The following CLCN6 variants were observed in gnomAD, a reference collection of about 807,000 sequenced individuals.
CLCN6 encodes Cl-/H+ antiporter 6, also known as H(+)/Cl(-) exchange transporter 6.
Under a neutral mutation model 109.8 loss-of-function variants are expected in CLCN6, and 70 were observed. The observed-to-expected ratio is 0.64, with a 90% CI of 0.53 to 0.78. CLCN6 has a LOEUF of 0.78. Ranked by LOEUF, CLCN6 falls within the 30% of genes least tolerant of loss-of-function variation. The probability of loss-of-function intolerance (pLI) is 0.00; values close to 1 mark genes in which losing one functional copy is unlikely to be tolerated. For synonymous variants in CLCN6, 444 were observed against 447.8 expected, an observed-to-expected ratio of 0.99 and a Z score of 0.11; for missense variants, 984 against 1,142.3, an observed-to-expected ratio of 0.86 and a Z score of 2.00.
At chr1:11,823,608 A>T in intron 6 of CLCN6, 99 bp from the exon 7 acceptor site, 1 of 1,514,130 alleles carries the variant, frequency 6.6e-7, no homozygotes, top group South Asian at 1.2e-5. Context: ...CTGCTAATGA[A>T]GGTGGCCAGC....
intron 1 of CLCN6, chr1:11,806,655 C>T (rs886288507): frequency 1.7e-5 from 7 of 409,566 alleles, no homozygotes; most frequent in African/African-American, 1.0e-4. Context: ...AATGAGCTTC[C>T]TCACAGGACT....
At chr1:11,825,720 T>TCAAGCGATTCTCCTGGCTC (rs1202493569) in intron 8 of CLCN6, among the ~76,000 whole-genome samples, 1 of 152,336 alleles carries the variant, frequency 6.6e-6, no homozygotes, top group Admixed American at 6.5e-5. Context: ...CCTCCTGGGT[T>TCAAGCGATTCTCCTGGCTC]CAAGCGATTC....
chr1:11,813,634 A>G (rs1446286902), intron 2 of CLCN6, among the ~76,000 whole-genome samples: 2 of 151,980 alleles, frequency 1.3e-5, no homozygotes, highest in African/African-American at 4.8e-5. Context: ...CAAGTGATCC[A>G]CCTATCTCGG....
At chr1:11,839,106 AC>A in intron 22 of CLCN6, 1 of 588,002 alleles carries the variant, frequency 1.7e-6, no homozygotes, top group South Asian at 2.2e-5. Context: ...TTCTTATTAC[AC>A]AAATATTTTC....
Position 11,834,404 on chromosome 1 carries a change from A to C in CLCN6, c.1686+9A>C. The C allele has an allele frequency of 7.4e-6, 12 of 1,612,354 alleles. No individual in the cohort carries two copies. Among genetic ancestry groups the C allele is most frequent in the Non-Finnish European group, 1.0e-5 (12 of 1,179,418 alleles). On this transcript the variant is annotated intron_variant, in intron 16 of 22. Transcript: ENST00000346436. The surrounding 1 kb of genome is among the most constrained non-coding windows in gnomAD (Gnocchi z 4.5). ...TCATGGTCACACTGATGGTGAGCAC[A>C]CTCCCTCCAGGCCCCTGTCAGGCTC... is the stretch of plus-strand genomic sequence containing the variant.
At chr1:11,813,599 C>T (rs1644631301) in intron 2 of CLCN6, among the ~76,000 whole-genome samples, 1 of 152,084 alleles carries the variant, frequency 6.6e-6, no homozygotes, top group Non-Finnish European at 1.5e-5. Context: ...CCATGTTGGC[C>T]GGGCTGGTCT....
rs762344951 is a variant in CLCN6, at chr1:11,837,036, A to G, written c.2018A>G (p.Lys673Arg). The G allele has an allele frequency of 3.7e-6, 6 of 1,612,488 alleles. No individual in the cohort carries two copies. The highest frequency in any genetic ancestry group is 5.1e-6 in the Non-Finnish European group (6 of 1,180,034). The change falls in exon 19 of 23, where the codon AAA (lysine) becomes AGA (arginine). Residue 673 changes from lysine to arginine, a missense_variant. By Grantham distance (26) the Lys-to-Arg change is conservative (BLOSUM62 2). Coordinates refer to ENST00000346436, the MANE Select transcript of CLCN6 (RefSeq NM_001286.5). Reference sequence around the variant, plus strand: ...CTCACCCGGGCTGGCGAGCAGCGCAAACGGAGCCAGTCCATGAAGTCCTAC... The same window carrying G: ...CTCACCCGGGCTGGCGAGCAGCGCAGACGGAGCCAGTCCATGAAGTCCTAC... ...SILTRAGEQR[K>R]RSQSMKSYPS...
intron 18 of CLCN6, 128 bp from the exon 19 acceptor site, chr1:11,836,871 T>C: frequency 9.5e-7 from 1 of 1,057,900 alleles, no homozygotes; most frequent in Non-Finnish European, 1.4e-6. Flanking sequence ...CTTTTGAACC[T>C]CAGCCCCATT....
intron 5 of CLCN6, among the ~76,000 whole-genome samples, chr1:11,821,142 T>C (rs919509844): frequency 6.6e-6 from 1 of 150,790 alleles, no homozygotes; most frequent in Non-Finnish European, 1.5e-5. Context: ...GTACATATTG[T>C]ATTTATAAAG....
At chr1:11,816,743 C>CCCT in intron 4 of CLCN6, 63 bp downstream of exon 4, 1 of 1,238,034 alleles carries the variant, frequency 8.1e-7, no homozygotes, top group Non-Finnish European at 1.1e-6. Context: ...CAGGGAAAGC[C>CCCT]CTGGCCTGGT....
chr1:11,838,587 A>ACT lies in CLCN6; in HGVS notation c.2457_2458insTC (p.Val820SerfsTer20), dbSNP rs1298904947. 1 of 1,613,250 alleles carries ACT rather than the reference A, an allele frequency of 6.2e-7. No homozygotes were observed. The highest frequency in any genetic ancestry group is 8.5e-7 in the Non-Finnish European group (1 of 1,179,410). On this transcript the variant is annotated frameshift_variant, in exon 22 of 23. Coordinates refer to ENST00000346436, the MANE Select transcript of CLCN6 (RefSeq NM_001286.5). LOFTEE classifies it high-confidence loss of function. ...CCTTTCACCGTCTCGCCCAACACCC[A>ACT]CGTCTCCCAAGTCTTCAACCTGTTC...
intron 18 of CLCN6, among the ~76,000 whole-genome samples, 181 bp from the exon 19 acceptor site, chr1:11,836,818 G>T (rs1464245680): frequency 6.6e-6 from 1 of 152,176 alleles, no homozygotes; most frequent in African/African-American, 2.4e-5. Flanking sequence ...CTGCAGCCAG[G>T]TCCTAGGGTT....
rs1217045014 is a variant in CLCN6, at chr1:11,828,568, C to G, written c.1065C>G (p.Asn355Lys). The change falls in exon 12 of 23, where the codon AAC becomes AAG. Residue 355 changes from asparagine (N) to lysine (K), a missense_variant. Physicochemically the swap from Asn to Lys is moderately conservative, Grantham distance 94 (BLOSUM62 0). Coordinates refer to ENST00000346436, the MANE Select transcript of CLCN6 (RefSeq NM_001286.5). ...TGGGAGCCACATTCAACTGTCTGAA[C>G]AAGAGGCTTGCAAAGTACCGTATGC... ...GLLGATFNCL[N>K]KRLAKYRMRN... 3 of 1,614,040 alleles carry G rather than the reference C, an allele frequency of 1.9e-6. No individual in the cohort carries two copies. Among genetic ancestry groups the G allele is most frequent in the Non-Finnish European group, 2.5e-6 (3 of 1,180,042 alleles).
intron 8 of CLCN6, among the ~76,000 whole-genome samples, chr1:11,825,673 A>G (rs759501238): frequency 6.6e-6 from 1 of 152,114 alleles, no homozygotes; most frequent in Non-Finnish European, 1.5e-5. Flanking sequence ...CCCAGGCTGG[A>G]GTGCGATGGT....
chr1:11,812,455 T>C (rs1644610932), intron 2 of CLCN6, among the ~76,000 whole-genome samples: 1 of 152,192 alleles, frequency 6.6e-6, no homozygotes, highest in East Asian at 1.9e-4. Context: ...CAGTCATGAT[T>C]GATTACATCA....
rs143767396 is a variant in CLCN6 at position 11,836,045 on chromosome 1, C to T, written c.1872C>T (p.Ile624=). Residue 624 remains isoleucine (I), a synonymous_variant, in exon 18 of 23, where the codon ATC becomes ATT. Coordinates refer to ENST00000346436, the MANE Select transcript of CLCN6 (RefSeq NM_001286.5). ...PHTRIQSLVS[I]LRTTVHHAFP... ...CCCGCATCCAGTCTCTGGTGAGCAT[C>T]CTGCGCACCACGGTCCACCATGCCT... 2.9e-5 allele frequency: 47 copies of T among 1,613,850 alleles called. No individual in the cohort carries two copies. The highest frequency in any genetic ancestry group is 1.6e-4 in the Middle Eastern group (1 of 6,084).
chr1:11,806,382 G>C, intron 1 of CLCN6, 33 bp downstream of exon 1: 1 of 1,481,880 alleles, frequency 6.7e-7, no homozygotes, highest in Admixed American at 3.1e-5. Flanking sequence ...CTGGGGAGGG[G>C]GCGGTTGCTA....
At chr1:11,808,435 T>A (rs945526051) in intron 2 of CLCN6, among the ~76,000 whole-genome samples, 1 of 152,142 alleles carries the variant, frequency 6.6e-6, no homozygotes, top group African/African-American at 2.4e-5. Context: ...GTACATCATA[T>A]TATTTCACCC....
rs1199808977 is a variant in CLCN6, at chr1:11,834,097, TGTGTGC to T, written c.1526+77_1526+82del. The T allele has an allele frequency of 1.3e-5, 21 of 1,597,266 alleles. No homozygotes were observed. In the East Asian group the frequency reaches 2.2e-4, roughly 17 times the overall value. On this transcript the variant is annotated intron_variant, in intron 15 of 22. Coordinates refer to ENST00000346436, the MANE Select transcript of CLCN6 (RefSeq NM_001286.5). The surrounding 1 kb of genome is among the most constrained non-coding windows in gnomAD (Gnocchi z 4.5). ...GTGCACGTGTGCGTGTGTATGCATG[TGTGTGC>T]GTGTGCGTGCGTTGATGTGTCTGTG... is the stretch of plus-strand genomic sequence containing the variant.
Sources: allele counts gnomAD v4.1 joint callset (sites outside exome capture counted in the v4.1 genomes callset), GRCh38; gene constraint gnomAD v4.1.1; non-coding constraint Gnocchi (gnomAD v3.1); transcripts MANE v1.5; gene names NCBI Gene and HGNC (gene_info 2026-07-23, HGNC 2026-07-21).